Variants in ABCA13 observed in about 807,000 individuals in gnomAD.
The protein encoded by ABCA13 is ATP binding cassette subfamily A member 13.
A neutral mutation model predicts 478.7 loss-of-function variants in ABCA13; 476 were observed. The ratio of observed to expected loss-of-function variants is 0.99; its 90% CI spans 0.92 to 1.07. The LOEUF is 1.07. Among genes scored for constraint, ABCA13 ranks in the 50% least tolerant of loss-of-function variants. The pLI is 0.00. For synonymous variants in ABCA13, 2,252 were observed against 2,158.9 expected, an observed-to-expected ratio of 1.04 and a Z score of -1.20; for missense variants, 6,060 against 5,910.6, an observed-to-expected ratio of 1.03 and a Z score of -0.83.
At chr7:48,498,149 C>T (rs1830438148) in intron 48 of ABCA13, among the ~76,000 whole-genome samples, 1 of 152,146 alleles carries the variant, frequency 6.6e-6, no homozygotes, top group Admixed American at 6.5e-5. Flanking sequence ...TGCCCCTTGT[C>T]TCTGTCAGGT....
At chr7:48,475,400 C>A (rs1352721970) in intron 45 of ABCA13, among the ~76,000 whole-genome samples, 5 of 151,676 alleles carry the variant, frequency 3.3e-5, no homozygotes, top group African/African-American at 1.2e-4. Flanking sequence ...TATTTCTCTT[C>A]CCTTAAATAC....
chr7:48,602,740 G>GT (rs145107586), intron 58 of ABCA13, among the ~76,000 whole-genome samples: 12,803 of 149,718 alleles, frequency 0.086, 653 homozygotes, highest in African/African-American at 0.15. Flanking sequence ...ATTTAAAGTG[G>GT]TTTTTTTTTT....
intron 5 of ABCA13, among the ~76,000 whole-genome samples, chr7:48,225,300 T>A (rs1276572818): frequency 7.0e-6 from 1 of 142,396 alleles, no homozygotes; most frequent in Non-Finnish European, 1.5e-5. Flanking sequence ...GATGGAACCA[T>A]CCATTTTTTT....
At chr7:48,370,409 A>G (rs982323767) in intron 32 of ABCA13, among the ~76,000 whole-genome samples, 4 of 152,028 alleles carry the variant, frequency 2.6e-5, no homozygotes, top group African/African-American at 9.7e-5. Flanking sequence ...GATTGCTCTG[A>G]CTAGGACTTC....
intron 42 of ABCA13, among the ~76,000 whole-genome samples, chr7:48,454,712 G>A (rs1055225243): frequency 2.6e-5 from 4 of 152,168 alleles, no homozygotes; most frequent in Non-Finnish European, 4.4e-5. Context: ...GAACAGAGAG[G>A]AAAAGGATGG....
At chr7:48,642,601 G>T (rs575822780) in intron 59 of ABCA13, among the ~76,000 whole-genome samples, 1 of 152,084 alleles carries the variant, frequency 6.6e-6, no homozygotes. Flanking sequence ...TGAGATAAGG[G>T]AGTAGAATAA....
At chr7:48,549,392 A>G (rs1785109518) in intron 55 of ABCA13, among the ~76,000 whole-genome samples, 1 of 151,696 alleles carries the variant, frequency 6.6e-6, no homozygotes, top group African/African-American at 2.4e-5. Flanking sequence ...AAAGGACATG[A>G]TCTCGTTCTT....
At chr7:48,345,582 TAA>T (rs1554458850) in intron 29 of ABCA13, among the ~76,000 whole-genome samples, 2 of 152,114 alleles carry the variant, frequency 1.3e-5, no homozygotes, top group Non-Finnish European at 2.9e-5. Context: ...AATAAGGATG[TAA>T]AGAAAATATT....
At chr7:48,339,095 G>A (rs2128952701) in intron 29 of ABCA13, among the ~76,000 whole-genome samples, 1 of 152,306 alleles carries the variant, frequency 6.6e-6, no homozygotes, top group East Asian at 1.9e-4. Context: ...CAGTTGGTGG[G>A]GACCTGGAGT....
intron 29 of ABCA13, among the ~76,000 whole-genome samples, chr7:48,346,434 C>T (rs1326631893): frequency 7.3e-5 from 11 of 151,698 alleles, no homozygotes; most frequent in Admixed American, 7.2e-4. Flanking sequence ...AAATGGTCAG[C>T]AACACACAGA....
chr7:48,227,297 A>T lies in ABCA13; in HGVS notation c.504A>T (p.Lys168Asn). ...DLNKTEEVILKLESLHQQPHI... is the reference protein window; with the variant it reads ...DLNKTEEVILNLESLHQQPHI... ...ATAAGACCGAGGAGGTAATATTGAA[A>T]CTGGAAAGCCTCCATCAGCAGCCTC... Residue 168 changes from lysine to asparagine, a missense_variant, in exon 6 of 62, where the codon AAA becomes AAT. Around this residue, in one of 3 missense-constraint regions of ABCA13, gnomAD observed 4,423 missense variants for 4,309.1 expected, o/e 1.03. Coordinates refer to ENST00000435803, the MANE Select transcript of ABCA13 (RefSeq NM_152701.5). 1 of 1,613,800 alleles carries T rather than the reference A, an allele frequency of 6.2e-7. No individual in the cohort carries two copies. Among genetic ancestry groups the T allele is most frequent in the Non-Finnish European group, 8.5e-7 (1 of 1,179,808 alleles).
chr7:48,480,680 A>G (rs1178543692), intron 45 of ABCA13, among the ~76,000 whole-genome samples: 1 of 152,236 alleles, frequency 6.6e-6, no homozygotes, highest in African/African-American at 2.4e-5. Flanking sequence ...TATCCTGCTT[A>G]TCTTCCTCCC....
At chr7:48,604,318 A>G (rs781494348) in intron 58 of ABCA13, among the ~76,000 whole-genome samples, 88 of 151,996 alleles carry the variant, frequency 5.8e-4, no homozygotes, top group Admixed American at 9.8e-4. Context: ...TTCAATTGTG[A>G]TGTTAGGGTG....
At chr7:48,622,874 C>T (rs954623040) in intron 59 of ABCA13, among the ~76,000 whole-genome samples, 3 of 152,144 alleles carry the variant, frequency 2.0e-5, no homozygotes, top group Admixed American at 2.0e-4. Flanking sequence ...GGTTGAGTGA[C>T]TTTTCCAGGA....
rs183182190 is a variant in ABCA13 at position 48,460,432 on chromosome 7, T to C, written c.12815+5146T>C. ...GCGATCCCTGACATGCCTTGACTTG[T>C]GGCAGCATCACTCCAGTCTCAGCCT... is the stretch of plus-strand genomic sequence containing the variant. On this transcript the variant is annotated intron_variant, in intron 43 of 61. Transcript: ENST00000435803. Among the ~76,000 whole-genome samples the C allele has an allele frequency of 8.2e-4, 125 of 152,262 alleles. No individual in the cohort carries two copies. The East Asian group carries it at 0.019, about 23-fold the overall frequency.
intron 28 of ABCA13, among the ~76,000 whole-genome samples, chr7:48,337,135 T>C (rs889108054): frequency 6.6e-6 from 1 of 152,152 alleles, no homozygotes; most frequent in African/African-American, 2.4e-5. Flanking sequence ...TTTCTTAGCT[T>C]TGGGATCATG....
In ABCA13 at chr7:48,637,381, C is replaced by CAAAAAAAAAAAAAAAAAAAA. The variant is rs1156643955; in HGVS notation, c.14838-5901_14838-5882dup. Among the ~76,000 whole-genome samples, 20 of 20,260 alleles carry CAAAAAAAAAAAAAAAAAAAA rather than the reference C, an allele frequency of 9.9e-4. 2 individuals are homozygous for CAAAAAAAAAAAAAAAAAAAA. Among genetic ancestry groups the CAAAAAAAAAAAAAAAAAAAA allele is most frequent in the Non-Finnish European group, 1.3e-3 (15 of 11,626 alleles). 13.3% of individuals were successfully genotyped at this position (20,260 alleles called of 152,430 possible). A position where few individuals can be genotyped will look rare whatever the true frequency, so the allele number is the denominator to read the frequency against. ...TGTTTTCTTTATTATGTTCATAAAGCAAAAAAAAAAAAAAAAAAAAAAAAA... is the reference window on the plus strand; with the variant it reads ...TGTTTTCTTTATTATGTTCATAAAGCAAAAAAAAAAAAAAAAAAAAAAAAAAAAAAAAAAAAAAAAAAAAA... On this transcript the variant is annotated intron_variant, in intron 59 of 61. Coordinates refer to ENST00000435803, the MANE Select transcript of ABCA13 (RefSeq NM_152701.5).
In ABCA13 at chr7:48,646,382, C is replaced by A. The variant is rs1795435863; in HGVS notation, c.*870C>A. 1 of 152,172 alleles carries A rather than the reference C, an allele frequency of 6.6e-6. No homozygotes were observed. The highest frequency in any genetic ancestry group is 6.5e-5 in the Admixed American group (1 of 15,286). The allele number at this position is 152,172 out of a possible 1,614,324, so 9.4% of individuals were successfully genotyped here. A position where few individuals can be genotyped will look rare whatever the true frequency, so the allele number is the denominator to read the frequency against. On this transcript the variant is annotated 3_prime_UTR_variant, in exon 62 of 62. Transcript: ENST00000435803. ...TGCAAGAAATGTACATTCTCAGGAT[C>A]CACTCCAGACCTATTGAATCTCAAA...
At chr7:48,520,997 G>A (rs73694661) in intron 53 of ABCA13, among the ~76,000 whole-genome samples, 1 of 152,266 alleles carries the variant, frequency 6.6e-6, no homozygotes, top group African/African-American at 2.4e-5. Context: ...TGTCAGGTGA[G>A]GTCGAAAGTC....
Sources: allele counts gnomAD v4.1 joint callset (sites outside exome capture counted in the v4.1 genomes callset), GRCh38; gene constraint gnomAD v4.1.1; regional missense constraint gnomAD v4.1.1; transcripts MANE v1.5; gene names NCBI Gene and HGNC (gene_info 2026-07-23, HGNC 2026-07-21).